The following TANK variants were observed in gnomAD, a reference collection of about 807,000 sequenced individuals.
TANK encodes TRAF family member-associated NF-kappa-B activator.
In TANK, 15 loss-of-function variants were observed where a neutral mutation model predicts 43.6. That is an observed-to-expected ratio of 0.34 (90% CI 0.23 to 0.53). The LOEUF is 0.53. Among genes scored for constraint, TANK ranks in the 20% least tolerant of loss-of-function variants. The probability of loss-of-function intolerance (pLI) is 0.94; values close to 1 mark genes in which losing one functional copy is unlikely to be tolerated. For synonymous variants in TANK, 162 were observed against 178.2 expected, an observed-to-expected ratio of 0.91 and a Z score of 0.73; for missense variants, 417 against 498.6, an observed-to-expected ratio of 0.84 and a Z score of 1.56.
chr2:161,142,911 A>C (rs923815250), intron 1 of TANK, among the ~76,000 whole-genome samples: 5 of 152,026 alleles, frequency 3.3e-5, no homozygotes, highest in African/African-American at 1.2e-4. Context: ...AAATTACTTT[A>C]GGCGGTATGG....
chr2:161,219,925 T>G (rs1215603532), intron 4 of TANK: 2 of 321,528 alleles, frequency 6.2e-6, no homozygotes, highest in Middle Eastern at 1.1e-3. Context: ...AAGCTAACAT[T>G]TATACCTATT....
At chr2:161,146,976 G>T (rs950825529) in intron 1 of TANK, among the ~76,000 whole-genome samples, 6 of 152,166 alleles carry the variant, frequency 3.9e-5, no homozygotes, top group African/African-American at 1.4e-4. Context: ...CCCCCTAGGG[G>T]CTCAGCCCCA....
At chr2:161,204,568 A>T in intron 3 of TANK, 107 bp from the exon 4 acceptor site, 1 of 1,023,460 alleles carries the variant, frequency 9.8e-7, no homozygotes, top group Non-Finnish European at 1.4e-6. Flanking sequence ...CTCCTACCTT[A>T]AAATGTATTC....
At chr2:161,231,622 C>T (rs2105172008) in intron 7 of TANK, 71 bp downstream of exon 7, 1 of 1,362,738 alleles carries the variant, frequency 7.3e-7, no homozygotes, top group African/African-American at 1.4e-5. Context: ...CACAGATATG[C>T]ATCTCTTTTA....
intron 2 of TANK, among the ~76,000 whole-genome samples, chr2:161,190,937 T>A (rs1196084695): frequency 1.3e-5 from 2 of 152,146 alleles, no homozygotes; most frequent in Admixed American, 6.5e-5. Context: ...ACCATATTTT[T>A]AAAAACTCTA....
chr2:161,160,346 T>G, upstream of TANK: 2 of 1,004,724 alleles, frequency 2.0e-6, no homozygotes, highest in Non-Finnish European at 2.6e-6. Context: ...CTGGCCTTGT[T>G]GGGTGGAGGT....
chr2:161,142,572 A>C (rs1252454940), intron 1 of TANK, among the ~76,000 whole-genome samples: 1 of 152,172 alleles, frequency 6.6e-6, no homozygotes, highest in Non-Finnish European at 1.5e-5. Context: ...CATTTATTAA[A>C]TGGGGAATCC....
intron 2 of TANK, among the ~76,000 whole-genome samples, chr2:161,186,470 A>G (rs1248671253): frequency 2.6e-5 from 4 of 152,210 alleles, no homozygotes; most frequent in Non-Finnish European, 2.9e-5. Flanking sequence ...AAACAGTGCT[A>G]GGAAAACTAG....
intron 1 of TANK, among the ~76,000 whole-genome samples, chr2:161,152,283 A>C (rs1684101215): frequency 6.6e-6 from 1 of 152,160 alleles, no homozygotes; most frequent in Non-Finnish European, 1.5e-5. Context: ...ATTATCTCCT[A>C]GTAGTCAGCC....
At chr2:161,157,929 C>T (rs947411032), upstream of TANK, among the ~76,000 whole-genome samples, 1 of 152,064 alleles carries the variant, frequency 6.6e-6, no homozygotes, top group East Asian at 1.9e-4. Flanking sequence ...AGTGATCAGC[C>T]CGCCTTGGCC....
chr2:161,179,713 G>A lies in TANK; in HGVS notation c.51G>A (p.Arg17=). Residue 17 remains arginine, a synonymous_variant, in exon 2 of 8, where the codon CGG becomes CGA. Transcript: ENST00000392749. Reference sequence around the variant, plus strand: ...TCAATAAAGCGTATGAAGCCTTCCGGCAGGCATGCATGGATAGAGATTCTG... The same window carrying A: ...TCAATAAAGCGTATGAAGCCTTCCGACAGGCATGCATGGATAGAGATTCTG... The part of the protein sequence containing the change: ...EQLNKAYEAF[R]QACMDRDSAV... The A allele has an allele frequency of 6.2e-7, 1 of 1,613,044 alleles. No individual in the cohort carries two copies. The highest frequency in any genetic ancestry group is 1.1e-5 in the South Asian group (1 of 90,984).
intron 4 of TANK, chr2:161,205,062 C>T: frequency 2.3e-6 from 2 of 860,342 alleles, no homozygotes; most frequent in African/African-American, 1.8e-5. Flanking sequence ...CACTGACTCA[C>T]TCCTGTAATT....
chr2:161,156,692 G>A (rs78818053), upstream of TANK, among the ~76,000 whole-genome samples: 3,005 of 152,298 alleles, frequency 0.02, 43 homozygotes, highest in South Asian at 0.061. Flanking sequence ...ATGTTGAACT[G>A]GAAGACATAT....
Position 161,160,480 on chromosome 2 carries a change from G to A in TANK, c.-56G>A, listed in dbSNP as rs1413150961. 1.6e-6 allele frequency: 2 copies of A among 1,244,288 alleles called. No individual in the cohort carries two copies. The highest frequency in any genetic ancestry group is 2.0e-6 in the Non-Finnish European group (2 of 993,590). The allele number at this position is 1,244,288 out of a possible 1,614,324, so 77.1% of individuals were successfully genotyped here. Reference sequence around the variant, plus strand: ...GGAGAGGGAACGCAGCTGAAAGCGTGAACTGTGTGAGTAAGAAACTTTGTG... The same window carrying A: ...GGAGAGGGAACGCAGCTGAAAGCGTAAACTGTGTGAGTAAGAAACTTTGTG... On this transcript the variant is annotated 5_prime_UTR_variant, in exon 1 of 8. Coordinates refer to ENST00000392749, the MANE Select transcript of TANK (RefSeq NM_001199135.3).
chr2:161,160,865 GGAGA>G (rs1006720404), intron 1 of TANK: 9 of 502,512 alleles, frequency 1.8e-5, no homozygotes, highest in African/African-American at 1.5e-4. Flanking sequence ...CTTCCCTTCG[GGAGA>G]GAGACTGCCT....
At chr2:161,165,768 C>T (rs1026109191) in intron 1 of TANK, among the ~76,000 whole-genome samples, 1 of 152,070 alleles carries the variant, frequency 6.6e-6, no homozygotes, top group African/African-American at 2.4e-5. Flanking sequence ...ATCCTTCCTC[C>T]CCCATCTTCA....
intron 4 of TANK, among the ~76,000 whole-genome samples, chr2:161,218,948 A>AGT (rs1055366627): frequency 1.6e-4 from 25 of 152,290 alleles, no homozygotes; most frequent in African/African-American, 6.0e-4. Context: ...TTTTAAATGT[A>AGT]GTGTTTGGGG....
Position 161,231,140 on chromosome 2 carries a change from T to A in TANK, c.690T>A (p.Ser230=), listed in dbSNP as rs1446771796. The change falls in exon 7 of 8, where the codon TCT becomes TCA. Residue 230 remains serine, a synonymous_variant. Transcript: ENST00000392749. ...DEEDTSFESL[S]KFNVKFPPMD... The stretch of plus-strand genomic sequence containing the variant: ...AAGACACCTCTTTTGAATCACTTTC[T>A]AAATTCAATGTCAAGTTTCCACCTA... The A allele has an allele frequency of 6.2e-7, 1 of 1,614,126 alleles. No homozygotes were observed. The highest frequency in any genetic ancestry group is 8.5e-7 in the Non-Finnish European group (1 of 1,180,024).
chr2:161,154,243 T>C (rs1684159726), intron 1 of TANK, among the ~76,000 whole-genome samples: 1 of 151,960 alleles, frequency 6.6e-6, no homozygotes, highest in African/African-American at 2.4e-5. Context: ...AGGTAAAATA[T>C]GAGGAAAACA....
Sources: allele counts gnomAD v4.1 joint callset (sites outside exome capture counted in the v4.1 genomes callset), GRCh38; gene constraint gnomAD v4.1.1; transcripts MANE v1.5; gene names NCBI Gene and HGNC (gene_info 2026-07-23, HGNC 2026-07-21).